Variants in MAPK8IP3 observed in about 807,000 individuals in gnomAD.
MAPK8IP3 encodes mitogen-activated protein kinase 8 interacting protein 3.
MAPK8IP3 carries 49 observed loss-of-function variants against 157.8 expected under a neutral mutation model. The observed-to-expected ratio is 0.31, with a 90% CI of 0.25 to 0.39. The LOEUF is 0.39. MAPK8IP3 is among the 10% of genes least tolerant of loss of function. The pLI, the probability that MAPK8IP3 is intolerant of heterozygous loss-of-function variation, is 1.00. For synonymous variants in MAPK8IP3, 897 were observed against 777.7 expected (o/e 1.15, Z -2.55); for missense variants, 1,478 against 1,889.4 (o/e 0.78, Z 4.04).
At position 1,743,683 on chromosome 16, in the gene MAPK8IP3, C is replaced by T. The variant is rs1424924298; in HGVS notation, c.747+207C>T. ...AGGCCCTGTGTGGCTGTGGCTGTTC[C>T]ACGCGGCCTCGTGTCGGCACCTGCT... is the stretch of plus-strand genomic sequence containing the variant. On this transcript the variant is annotated intron_variant, in intron 5 of 31. Coordinates refer to ENST00000610761, the MANE Select transcript of MAPK8IP3 (RefSeq NM_001318852.2). This position sits in a 1 kb window ranked among gnomAD's most constrained non-coding sequence, Gnocchi z 5.6. The T allele has an allele frequency of 7.1e-6, 10 of 1,406,606 alleles. No homozygotes were observed. The highest frequency in any genetic ancestry group is 2.8e-5 in the East Asian group (1 of 35,674). The allele number at this position is 1,406,606 out of a possible 1,614,324, so 87.1% of individuals were successfully genotyped here.
At chr16:1,716,490 G>T (rs544940034) in intron 1 of MAPK8IP3, among the ~76,000 whole-genome samples, 5 of 151,816 alleles carry the variant, frequency 3.3e-5, no homozygotes, top group Admixed American at 2.6e-4. Context: ...TAGAGATGGG[G>T]TTTCACACGT....
intron 2 of MAPK8IP3, 46 bp from the exon 3 acceptor site, chr16:1,729,092 A>G (rs1228453427): frequency 1.1e-5 from 18 of 1,573,116 alleles, no homozygotes; most frequent in Non-Finnish European, 1.5e-5. Flanking sequence ...GTTCAGGGCC[A>G]TGGAGAAGCG....
chr16:1,723,590 A>C (rs1235761247), intron 1 of MAPK8IP3, among the ~76,000 whole-genome samples: 1 of 152,216 alleles, frequency 6.6e-6, no homozygotes, highest in African/African-American at 2.4e-5. Context: ...ACTGCAGTCC[A>C]GCCTCAGAGA....
At chr16:1,759,488 G>A (rs1412806569) in intron 10 of MAPK8IP3, among the ~76,000 whole-genome samples, 1 of 152,156 alleles carries the variant, frequency 6.6e-6, no homozygotes, top group Non-Finnish European at 1.5e-5. Context: ...TGGTAGAGGA[G>A]CCTTCAGTCC....
rs1186139585 is a variant in MAPK8IP3, at chr16:1,763,733, G to A, written c.1975G>A (p.Asp659Asn). 3 of 1,593,996 alleles carry A rather than the reference G, an allele frequency of 1.9e-6. No homozygotes were observed. The highest frequency in any genetic ancestry group is 1.1e-5 in the South Asian group (1 of 89,140). The change falls in exon 17 of 32, where the codon GAC becomes AAC. Residue 659 changes from aspartate (D) to asparagine (N), a missense_variant. By Grantham distance (23) the Asp-to-Asn change is conservative. This residue lies in a region of MAPK8IP3 where 669 missense variants were observed against 759.8 expected (regional missense o/e 0.88). Coordinates refer to ENST00000610761, the MANE Select transcript of MAPK8IP3 (RefSeq NM_001318852.2). The stretch of plus-strand genomic sequence containing the variant: ...GGTGCGTGAGCACGTGCGTAACGAC[G>A]ACGGCCGTCTGCAGGCCTGCGGCTG... ...RQVREHVRND[D>N]GRLQACGWSL...
intron 13 of MAPK8IP3, among the ~76,000 whole-genome samples, chr16:1,761,592 G>C (rs1368338673): frequency 4.2e-5 from 6 of 141,972 alleles, no homozygotes; most frequent in Non-Finnish European, 7.6e-5. Context: ...ACCATTCACA[G>C]GCAGAGCGGC....
intron 1 of MAPK8IP3, among the ~76,000 whole-genome samples, chr16:1,711,485 G>C (rs1177131255): frequency 6.6e-6 from 1 of 152,200 alleles, no homozygotes; most frequent in Non-Finnish European, 1.5e-5. Flanking sequence ...TGGGCATCAG[G>C]TGAGGGGCAC....
intron 4 of MAPK8IP3, among the ~76,000 whole-genome samples, chr16:1,738,294 G>T (rs2040224918): frequency 1.1e-5 from 1 of 92,042 alleles, no homozygotes; most frequent in Admixed American, 1.1e-4. Context: ...CCATCCATGT[G>T]AGCATCTGTG....
At chr16:1,739,029 AGCGT>A (rs1427707264) in intron 4 of MAPK8IP3, among the ~76,000 whole-genome samples, 68 of 116,350 alleles carry the variant, frequency 5.8e-4, no homozygotes, top group African/African-American at 2.0e-3. Flanking sequence ...CATCTGTGTG[AGCGT>A]CCGTGTGAGC....
At chr16:1,725,405 A>G (rs889931796) in intron 2 of MAPK8IP3, among the ~76,000 whole-genome samples, 2 of 150,922 alleles carry the variant, frequency 1.3e-5, no homozygotes, top group African/African-American at 4.9e-5. Context: ...AGGCGGGTGG[A>G]TCACCTGAGC....
chr16:1,723,364 G>C (rs370854235), intron 1 of MAPK8IP3, among the ~76,000 whole-genome samples: 1 of 152,048 alleles, frequency 6.6e-6, no homozygotes, highest in Non-Finnish European at 1.5e-5. Flanking sequence ...TTTTTTAGTA[G>C]AAACAGGGTT....
chr16:1,737,121 ACCGT>A lies in MAPK8IP3; in HGVS notation c.603-6206_603-6203del, dbSNP rs1319208231. Among the ~76,000 whole-genome samples, 26 of 74,620 alleles carry A rather than the reference ACCGT, an allele frequency of 3.5e-4. 2 individuals are homozygous for A. Among genetic ancestry groups the A allele is most frequent in the African/African-American group, 9.8e-4 (18 of 18,348 alleles). 49.0% of individuals were successfully genotyped at this position (74,620 alleles called of 152,430 possible). ...GACCATCCATGTGAGCATCTGTGTG[ACCGT>A]CCGTGTGAGCATGTGACCATCCGTG... On this transcript the variant is annotated intron_variant, in intron 4 of 31. Transcript: ENST00000610761.
intron 17 of MAPK8IP3, 93 bp from the exon 18 acceptor site, chr16:1,764,022 C>T: frequency 2.3e-6 from 3 of 1,295,506 alleles, no homozygotes; most frequent in South Asian, 1.4e-5. Context: ...GTGGCTGTGC[C>T]GCCAGAAGCT....
In MAPK8IP3 at chr16:1,724,397, C is replaced by T. The variant is rs776757326; in HGVS notation, c.319-160C>T. ...CTGAGGAGGGTGGTGGCCACAGCCA[C>T]GTGGCGGGAAGCCCCCATTCCGGCC... On this transcript the variant is annotated intron_variant, in intron 1 of 31. Coordinates refer to ENST00000610761, the MANE Select transcript of MAPK8IP3 (RefSeq NM_001318852.2). The surrounding 1 kb of genome is among the most constrained non-coding windows in gnomAD (Gnocchi z 4.1). 1.4e-4 allele frequency among the ~76,000 whole-genome samples: 21 copies of T among 152,244 alleles called. No individual in the cohort carries two copies. The highest frequency in any genetic ancestry group is 2.6e-4 in the Non-Finnish European group (18 of 68,036).
rs770145568 is a variant in MAPK8IP3 at position 1,729,111 on chromosome 16, G to A, written c.440-27G>A. On this transcript the variant is annotated intron_variant, in intron 2 of 31. Coordinates refer to ENST00000610761, the MANE Select transcript of MAPK8IP3 (RefSeq NM_001318852.2). ...AGGGCCATGGAGAAGCGTCTTGTGC[G>A]GCTCAGACAGTGATTGTGTTTTCCA... 6.2e-6 allele frequency: 10 copies of A among 1,609,180 alleles called. No homozygotes were observed. The East Asian group carries it at 1.6e-4, about 25-fold the overall frequency.
In MAPK8IP3 at chr16:1,754,057, C is replaced by T. The variant is rs2041453404; in HGVS notation, c.1217-4091C>T. Among the ~76,000 whole-genome samples, 2 of 151,766 alleles carry T rather than the reference C, an allele frequency of 1.3e-5. 1 individual carries two copies. Among genetic ancestry groups the T allele is most frequent in the South Asian group, 4.2e-4 (2 of 4,814 alleles). ...GTGCAGTGGCAGGTACCTGTAATCC[C>T]AGCTACTTGGGAGACTGAGGCAGGA... On this transcript the variant is annotated intron_variant, in intron 8 of 31. Transcript: ENST00000610761.
chr16:1,716,597 G>T (rs2038166699), intron 1 of MAPK8IP3, among the ~76,000 whole-genome samples: 1 of 151,358 alleles, frequency 6.6e-6, no homozygotes, highest in Admixed American at 6.6e-5. Context: ...GCCCAGCCAG[G>T]TTATTTCAAT....
At chr16:1,738,703 G>A (rs1013487523) in intron 4 of MAPK8IP3, among the ~76,000 whole-genome samples, 2 of 132,952 alleles carry the variant, frequency 1.5e-5, no homozygotes, top group African/African-American at 2.9e-5. Flanking sequence ...ATCCATGTGA[G>A]CGTGTGAGCA....
chr16:1,743,651 G>A lies in MAPK8IP3; in HGVS notation c.747+175G>A. On this transcript the variant is annotated intron_variant, in intron 5 of 31. Coordinates refer to ENST00000610761, the MANE Select transcript of MAPK8IP3 (RefSeq NM_001318852.2). The surrounding 1 kb of genome is among the most constrained non-coding windows in gnomAD (Gnocchi z 5.6). ...AGCCAGGGTGTCAGGGGCTCAGGCTGCCCAGCAGGCCCTGTGTGGCTGTGG... is the reference window on the plus strand; with the variant it reads ...AGCCAGGGTGTCAGGGGCTCAGGCTACCCAGCAGGCCCTGTGTGGCTGTGG... 1 of 1,431,240 alleles carries A rather than the reference G, an allele frequency of 7.0e-7. No individual in the cohort carries two copies. Among genetic ancestry groups the A allele is most frequent in the Non-Finnish European group, 9.1e-7 (1 of 1,100,600 alleles). The allele number at this position is 1,431,240 out of a possible 1,614,324, so 88.7% of individuals were successfully genotyped here.
Sources: gnomAD v4.1 joint callset for allele counts (sites outside exome capture counted in the v4.1 genomes callset) on GRCh38, gnomAD v4.1.1 for gene constraint, gnomAD v4.1.1 regional missense constraint, Gnocchi (gnomAD v3.1) non-coding constraint, MANE v1.5 for transcripts, NCBI Gene and HGNC (gene_info 2026-07-23, HGNC 2026-07-21) for gene names.